The following CDH13 variants were observed in gnomAD, a reference collection of about 807,000 sequenced individuals.
The protein encoded by CDH13 is cadherin 13.
In CDH13, 24 loss-of-function variants were observed where a neutral mutation model predicts 63.8. That is an observed-to-expected ratio of 0.38 (90% CI 0.27 to 0.53). The LOEUF (loss-of-function observed/expected upper bound fraction) is 0.53. Ranked by LOEUF, CDH13 falls within the 20% of genes least tolerant of loss-of-function variation. The pLI, the probability that CDH13 is intolerant of heterozygous loss-of-function variation, is 0.85. For synonymous variants in CDH13, 503 were observed against 355.3 expected (o/e 1.42, Z -4.67); for missense variants, 1,049 against 903.1 (o/e 1.16, Z -2.07).
chr16:82,770,249 T>C (rs2035211037), intron 1 of CDH13, among the ~76,000 whole-genome samples: 2 of 152,266 alleles, frequency 1.3e-5, no homozygotes, highest in Non-Finnish European at 2.9e-5. Context: ...ATATTTCCTT[T>C]GTGTGAGTGT....
intron 5 of CDH13, among the ~76,000 whole-genome samples, chr16:83,240,711 C>T (rs1191024318): frequency 3.4e-4 from 27 of 79,090 alleles, no homozygotes; most frequent in African/African-American, 4.6e-4. Flanking sequence ...AATTTACTGT[C>T]TTAATCTTTT....
intron 2 of CDH13, among the ~76,000 whole-genome samples, chr16:82,890,094 C>G (rs1468431485): frequency 2.6e-5 from 4 of 152,210 alleles, no homozygotes; most frequent in Non-Finnish European, 5.9e-5. Context: ...TTCAGTAAGT[C>G]TCCCAGCCTT....
chr16:83,503,014 T>C (rs534819496), intron 7 of CDH13, among the ~76,000 whole-genome samples: 116 of 152,324 alleles, frequency 7.6e-4, no homozygotes, highest in African/African-American at 2.5e-3. Flanking sequence ...CGGAGCTCGT[T>C]GGTTATGCTT....
At chr16:83,121,936 A>G (rs2035596687) in intron 3 of CDH13, among the ~76,000 whole-genome samples, 1 of 150,448 alleles carries the variant, frequency 6.6e-6, no homozygotes, top group Non-Finnish European at 1.5e-5. Flanking sequence ...TTTGAACTTT[A>G]TTACATAAAT....
chr16:83,470,256 C>T (rs935910040), intron 6 of CDH13, among the ~76,000 whole-genome samples: 1 of 152,094 alleles, frequency 6.6e-6, no homozygotes, highest in Non-Finnish European at 1.5e-5. Context: ...GGTGTCTCAC[C>T]ATGTTGCCCA....
intron 4 of CDH13, among the ~76,000 whole-genome samples, chr16:83,127,725 TCAAA>T (rs1278252323): frequency 6.6e-6 from 1 of 152,106 alleles, no homozygotes; most frequent in Non-Finnish European, 1.5e-5. Context: ...AGACTCTGTG[TCAAA>T]CAAACACACA....
chr16:82,641,273 A>G (rs1282394509), intron 1 of CDH13, among the ~76,000 whole-genome samples: 1 of 152,158 alleles, frequency 6.6e-6, no homozygotes, highest in Non-Finnish European at 1.5e-5. Flanking sequence ...CTTTGCTGTC[A>G]TGGGGAGCAG....
intron 2 of CDH13, among the ~76,000 whole-genome samples, chr16:82,959,335 G>A (rs763277253): frequency 3.9e-5 from 6 of 152,106 alleles, no homozygotes; most frequent in Non-Finnish European, 4.4e-5. Context: ...GCAGGGGAGG[G>A]GGCTGGCAAA....
At chr16:83,763,573 G>C (rs1008350211) in intron 11 of CDH13, among the ~76,000 whole-genome samples, 2 of 152,084 alleles carry the variant, frequency 1.3e-5, no homozygotes, top group African/African-American at 2.4e-5. Context: ...CTAGACTGCA[G>C]GGGGGATATA....
chr16:83,077,368 T>C (rs1468560474), intron 3 of CDH13, among the ~76,000 whole-genome samples: 1 of 151,756 alleles, frequency 6.6e-6, no homozygotes, highest in African/African-American at 2.4e-5. Context: ...ATTTATTGTA[T>C]TTTTACTAGA....
intron 5 of CDH13, among the ~76,000 whole-genome samples, chr16:83,334,882 G>GTATA (rs1289723144): frequency 6.6e-6 from 1 of 152,114 alleles, no homozygotes; most frequent in Non-Finnish European, 1.5e-5. Flanking sequence ...TGGACCATGA[G>GTATA]TATATTTTCA....
At chr16:83,178,521 C>A (rs1230001108) in intron 4 of CDH13, among the ~76,000 whole-genome samples, 2 of 152,180 alleles carry the variant, frequency 1.3e-5, no homozygotes, top group Admixed American at 1.3e-4. Context: ...GCAAATAACT[C>A]AGACCTGATT....
chr16:83,100,544 C>A (rs965653595), intron 3 of CDH13, among the ~76,000 whole-genome samples: 5 of 152,224 alleles, frequency 3.3e-5, no homozygotes, highest in Non-Finnish European at 5.9e-5. Flanking sequence ...AAGCTGAACT[C>A]TATTTGTGCT....
intron 6 of CDH13, among the ~76,000 whole-genome samples, chr16:83,439,396 G>C (rs2072418950): frequency 6.6e-6 from 1 of 152,194 alleles, no homozygotes; most frequent in African/African-American, 2.4e-5. Flanking sequence ...GGGAACTATG[G>C]GATGTCTTAG....
At chr16:83,524,744 G>A (rs895247109) in intron 7 of CDH13, among the ~76,000 whole-genome samples, 7 of 152,118 alleles carry the variant, frequency 4.6e-5, no homozygotes, top group South Asian at 2.1e-4. Flanking sequence ...GAGCCACCTC[G>A]CCCGGCCAAA....
chr16:83,033,517 G>A (rs1026932040), intron 3 of CDH13, among the ~76,000 whole-genome samples: 3 of 152,106 alleles, frequency 2.0e-5, no homozygotes, highest in Admixed American at 6.5e-5. Flanking sequence ...CATATACTGT[G>A]TATATGTATG....
At chr16:82,957,206 A>G (rs902220353) in intron 2 of CDH13, among the ~76,000 whole-genome samples, 20 of 152,152 alleles carry the variant, frequency 1.3e-4, no homozygotes, top group South Asian at 4.1e-4. Context: ...ACCTCTCCTC[A>G]TATCTTCTTG....
intron 10 of CDH13, among the ~76,000 whole-genome samples, chr16:83,717,295 A>G (rs1909063614): frequency 6.6e-6 from 1 of 151,956 alleles, no homozygotes; most frequent in Non-Finnish European, 1.5e-5. Flanking sequence ...GCAAATGAAG[A>G]CTTGTAGTGA....
rs118072516 is a variant in CDH13, at chr16:83,273,770, C to T, written c.636+56273C>T. Among the ~76,000 whole-genome samples the T allele has an allele frequency of 5.3e-3, 802 of 152,234 alleles. 22 individuals carry two copies. The highest frequency in any genetic ancestry group is 0.041 in the Admixed American group (630 of 15,286). On this transcript the variant is annotated intron_variant, in intron 5 of 13. Coordinates refer to ENST00000567109, the MANE Select transcript of CDH13 (RefSeq NM_001257.5). ...GGGCATTTCAATACTACATAGGTAT[C>T]GTGTTTTTATTTTCGTAACTACGCA...
Sources: allele counts gnomAD v4.1 joint callset (sites outside exome capture counted in the v4.1 genomes callset), GRCh38; gene constraint gnomAD v4.1.1; transcripts MANE v1.5; gene names NCBI Gene and HGNC (gene_info 2026-07-23, HGNC 2026-07-21).